The following FIG4 variants were observed in gnomAD, a reference collection of about 807,000 sequenced individuals.
FIG4 encodes the protein FIG4 phosphoinositide 5-phosphatase.
A neutral mutation model predicts 118.6 loss-of-function variants in FIG4; 112 were observed. That is an observed-to-expected ratio of 0.94 (90% confidence interval 0.81 to 1.11). FIG4 has a LOEUF of 1.11. Among genes scored for constraint, FIG4 ranks in the 50% least tolerant of loss-of-function variants. The pLI is 0.00. For missense variants in FIG4, 969 were observed against 1,111.7 expected (o/e 0.87, Z 1.83); for synonymous variants, 369 against 381.2 (o/e 0.97, Z 0.37).
At chr6:109,710,984 T>A (rs1164600637) in intron 1 of FIG4, among the ~76,000 whole-genome samples, 1 of 152,174 alleles carries the variant, frequency 6.6e-6, no homozygotes, top group Non-Finnish European at 1.5e-5. Flanking sequence ...TCAGTTCAGC[T>A]CTGATGTTGA....
intron 18 of FIG4, 94 bp from the exon 19 acceptor site, chr6:109,789,497 TAAG>T: frequency 2.2e-6 from 2 of 906,806 alleles, no homozygotes; most frequent in Non-Finnish European, 3.7e-6. Flanking sequence ...CTCCTAGAGT[TAAG>T]AAGGAATATT....
rs3799853 is a variant in FIG4, at chr6:109,742,426, T to C, written c.877-684T>C. On this transcript the variant is annotated intron_variant, in intron 8 of 22. Transcript: ENST00000230124. ...CTCTGTTTGCAATAGACAACTTGAGTTTTGAGTGGATGTGTGATTTGGTAG... is the reference window on the plus strand; with the variant it reads ...CTCTGTTTGCAATAGACAACTTGAGCTTTGAGTGGATGTGTGATTTGGTAG... Among the ~76,000 whole-genome samples, 485 of 152,078 alleles carry C rather than the reference T, an allele frequency of 3.2e-3. 25 individuals are homozygous for C. In the East Asian group the frequency reaches 0.091, roughly 29 times the overall value.
intron 10 of FIG4, among the ~76,000 whole-genome samples, chr6:109,745,977 C>T (rs528646894): frequency 1.7e-4 from 26 of 152,232 alleles, no homozygotes; most frequent in African/African-American, 5.8e-4. Context: ...AAACTGGAGG[C>T]ATCACGCTAC....
chr6:109,712,385 T>C (rs1271483227), intron 1 of FIG4, among the ~76,000 whole-genome samples: 8 of 152,186 alleles, frequency 5.3e-5, no homozygotes, highest in Non-Finnish European at 8.8e-5. Context: ...GGTATACCAG[T>C]GAGTCGTAGA....
intron 15 of FIG4, among the ~76,000 whole-genome samples, chr6:109,768,152 G>C (rs935779521): frequency 6.6e-6 from 1 of 152,196 alleles, no homozygotes; most frequent in Admixed American, 6.5e-5. Context: ...TGGGCCTCGT[G>C]GAGGAGGGTG....
intron 8 of FIG4, 36 bp from the exon 9 acceptor site, chr6:109,743,074 A>G (rs755728152): frequency 1.3e-6 from 2 of 1,555,762 alleles, no homozygotes; most frequent in Non-Finnish European, 1.8e-6. Flanking sequence ...CATTTCTAAT[A>G]ACATAAAATA....
intron 4 of FIG4, among the ~76,000 whole-genome samples, chr6:109,729,346 T>C (rs1054241237): frequency 6.6e-6 from 1 of 152,192 alleles, no homozygotes; most frequent in Non-Finnish European, 1.5e-5. Context: ...ATGATACCTA[T>C]TAAAAACCTA....
chr6:109,770,268 G>C (rs967502185), intron 15 of FIG4, among the ~76,000 whole-genome samples: 1 of 151,862 alleles, frequency 6.6e-6, no homozygotes, highest in Non-Finnish European at 1.5e-5. Context: ...TTTCTTGCTG[G>C]AGCTTGTTGA....
At chr6:109,727,411 G>T (rs1775856210) in intron 4 of FIG4, 146 bp downstream of exon 4, 3 of 678,960 alleles carry the variant, frequency 4.4e-6, no homozygotes, top group Non-Finnish European at 5.2e-6. Context: ...TAATGTCGTA[G>T]ATCAGGTAGA....
At chr6:109,706,058 C>A (rs537184214) in intron 1 of FIG4, among the ~76,000 whole-genome samples, 2 of 152,296 alleles carry the variant, frequency 1.3e-5, no homozygotes, top group Admixed American at 6.5e-5. Context: ...TAACACTTAG[C>A]TAATGCCTGA....
intron 3 of FIG4, among the ~76,000 whole-genome samples, chr6:109,726,428 C>T (rs1341714937): frequency 6.6e-6 from 1 of 152,076 alleles, no homozygotes; most frequent in Non-Finnish European, 1.5e-5. Flanking sequence ...GGTGTTATTT[C>T]TGAGGCCTCT....
At chr6:109,799,981 G>A (rs1030217839) in intron 22 of FIG4, among the ~76,000 whole-genome samples, 16 of 152,168 alleles carry the variant, frequency 1.1e-4, no homozygotes, top group African/African-American at 3.9e-4. Context: ...AACACACTGT[G>A]TGATGGGCAC....
At chr6:109,745,904 T>A (rs918616144) in intron 10 of FIG4, among the ~76,000 whole-genome samples, 8 of 152,144 alleles carry the variant, frequency 5.3e-5, no homozygotes, top group African/African-American at 1.9e-4. Flanking sequence ...AAAGCTACTT[T>A]AAATTTCATG....
chr6:109,724,115 G>A (rs1227935202), intron 3 of FIG4, among the ~76,000 whole-genome samples: 1 of 151,962 alleles, frequency 6.6e-6, no homozygotes, highest in Non-Finnish European at 1.5e-5. Flanking sequence ...TAAGGCGGGG[G>A]GTGGGAGGAG....
intron 1 of FIG4, among the ~76,000 whole-genome samples, chr6:109,710,735 A>G (rs932465884): frequency 3.3e-5 from 5 of 151,786 alleles, no homozygotes; most frequent in Admixed American, 6.6e-5. Context: ...GAATTTATCT[A>G]TTTCTTCTAG....
At chr6:109,775,671 C>G (rs1288391285) in intron 15 of FIG4, among the ~76,000 whole-genome samples, 1 of 152,092 alleles carries the variant, frequency 6.6e-6, no homozygotes, top group African/African-American at 2.4e-5. Context: ...TTATTTAATG[C>G]TTGATGTTTT....
At chr6:109,807,035 T>C (rs1778584213) in intron 22 of FIG4, among the ~76,000 whole-genome samples, 1 of 152,228 alleles carries the variant, frequency 6.6e-6, no homozygotes, top group Admixed American at 6.5e-5. Flanking sequence ...TCCAAGTCTT[T>C]GCTATTGTGA....
At chr6:109,728,707 T>C (rs2128384401) in intron 4 of FIG4, among the ~76,000 whole-genome samples, 1 of 152,304 alleles carries the variant, frequency 6.6e-6, no homozygotes, top group Admixed American at 6.5e-5. Context: ...AGTAGACCTT[T>C]GTCTTGCACT....
Position 109,727,249 on chromosome 6 carries a change from C to T in FIG4, c.430C>T (p.His144Tyr). 1.2e-6 allele frequency: 2 copies of T among 1,611,432 alleles called. No homozygotes were observed. Residue 144 changes from histidine to tyrosine, a missense_variant, in exon 4 of 23, where the codon CAT becomes TAT. By Grantham distance (83) the His-to-Tyr change is moderately conservative (BLOSUM62 2). Coordinates refer to ENST00000230124, the MANE Select transcript of FIG4 (RefSeq NM_014845.6). ...YIPNDSVRVT[H>Y]PDEARYLRIF... is the part of the protein sequence containing the mutation. ...ACCCAATGATTCTGTACGGGTTACT[C>T]ATCCTGATGAAGCTAGGTATGTATG...
Sources: allele counts gnomAD v4.1 joint callset (sites outside exome capture counted in the v4.1 genomes callset), GRCh38; gene constraint gnomAD v4.1.1; transcripts MANE v1.5; gene names NCBI Gene and HGNC (gene_info 2026-07-23, HGNC 2026-07-21).